Variants in IPO13 observed in about 807,000 individuals in gnomAD.
The protein encoded by IPO13 is importin 13.
A neutral mutation model predicts 115.5 loss-of-function variants in IPO13; 28 were observed. The observed-to-expected ratio is 0.24, with a 90% confidence interval of 0.18 to 0.33. The LOEUF (loss-of-function observed/expected upper bound fraction) is 0.33, where lower values mean the gene tolerates loss of function less well. Among genes scored for constraint, IPO13 ranks in the 10% least tolerant of loss-of-function variants. IPO13 has a pLI of 1.00. For synonymous variants in IPO13, 414 were observed against 478.9 expected, an observed-to-expected ratio of 0.86 and a Z score of 1.77; for missense variants, 785 against 1,204.6, an observed-to-expected ratio of 0.65 and a Z score of 5.16.
intron 14 of IPO13, among the ~76,000 whole-genome samples, chr1:43,962,344 A>G (rs2085295923): frequency 1.3e-5 from 2 of 152,054 alleles, no homozygotes; most frequent in African/African-American, 4.8e-5. Flanking sequence ...TCTCACCTGG[A>G]TTATCAGCAA....
rs1344347460 is a variant in IPO13, at chr1:43,966,830, C to A, written c.2523+48C>A. 1.2e-6 allele frequency: 2 copies of A among 1,610,114 alleles called. No individual in the cohort carries two copies. The highest frequency in any genetic ancestry group is 2.7e-5 in the African/African-American group (2 of 74,816). On this transcript the variant is annotated intron_variant, in intron 17 of 19. Coordinates refer to ENST00000372343, the MANE Select transcript of IPO13 (RefSeq NM_014652.4). This position sits in a 1 kb window ranked among gnomAD's most constrained non-coding sequence, Gnocchi z 4.1. ...ACCCACTGCCACCCCAGTGCCCTCC[C>A]CTGCCCAGGACTTCAGACAGTAGGG...
chr1:43,957,964 C>T lies in IPO13; in HGVS notation c.1541-13C>T. The T allele has an allele frequency of 3.7e-6, 6 of 1,613,448 alleles. No individual in the cohort carries two copies. Among genetic ancestry groups the T allele is most frequent in the Non-Finnish European group, 4.2e-6 (5 of 1,179,516 alleles). On this transcript the variant is annotated splice_polypyrimidine_tract_variant and intron_variant, in intron 7 of 19. Transcript: ENST00000372343. ...CTGCCTCAAAGATCCTCCTGTCTCC[C>T]TCCTTCCTCCAGGAGCTCTGTCTGA... is the stretch of plus-strand genomic sequence containing the variant.
Position 43,956,852 on chromosome 1 carries a change from C to A in IPO13, c.1147C>A (p.Gln383Lys), listed in dbSNP as rs553484305. Residue 383 changes from glutamine (Q) to lysine (K), a missense_variant, in exon 5 of 20, where the codon CAG becomes AAG. This residue lies in a region of IPO13 where 175 missense variants were observed against 360.0 expected (regional missense o/e 0.49). Coordinates refer to ENST00000372343, the MANE Select transcript of IPO13 (RefSeq NM_014652.4). This position sits in a 1 kb window ranked among gnomAD's most constrained non-coding sequence, Gnocchi z 4.7. The stretch of plus-strand genomic sequence containing the variant: ...TGAGGCAGAGAAGCAGGCTGTATAC[C>A]AGCAGGTGTACCGGCCAGTCTACTT... ...SFEAEKQAVY[Q>K]QVYRPVYFQL... The A allele has an allele frequency of 1.2e-6, 2 of 1,614,212 alleles. No individual in the cohort carries two copies. Among genetic ancestry groups the A allele is most frequent in the African/African-American group, 1.3e-5 (1 of 75,044 alleles).
chr1:43,966,620 G>A lies in IPO13; in HGVS notation c.2443G>A (p.Val815Ile). ...PDLFLCERLDVKAVFQCAVLA... is the reference protein window; with the variant it reads ...PDLFLCERLDIKAVFQCAVLA... ...TTTGTTCCTGTGTGAACGATTGGAT[G>A]TCAAAGCTGTGTTCCAGTGTGGTAA... Residue 815 changes from valine to isoleucine, a missense_variant, in exon 16 of 20, where the codon GTC becomes ATC. Around this residue, in one of 3 missense-constraint regions of IPO13, gnomAD observed 285 missense variants for 394.8 expected, o/e 0.72. Transcript: ENST00000372343. This position sits in a 1 kb window ranked among gnomAD's most constrained non-coding sequence, Gnocchi z 4.1. 1 of 1,614,206 alleles carries A rather than the reference G, an allele frequency of 6.2e-7. No homozygotes were observed. The highest frequency in any genetic ancestry group is 1.3e-5 in the African/African-American group (1 of 75,050).
In IPO13 at chr1:43,967,318, A is replaced by G. The variant is rs1193022445; in HGVS notation, c.2617A>G (p.Ile873Val). 6.2e-7 allele frequency: 1 copy of G among 1,612,928 alleles called. No individual in the cohort carries two copies. The highest frequency in any genetic ancestry group is 2.2e-5 in the East Asian group (1 of 44,824). The change falls in exon 19 of 20, where the codon ATT becomes GTT. Residue 873 changes from isoleucine (I) to valine (V), a missense_variant. This residue lies in a region of IPO13 where 285 missense variants were observed against 394.8 expected (regional missense o/e 0.72). Coordinates refer to ENST00000372343, the MANE Select transcript of IPO13 (RefSeq NM_014652.4). The surrounding 1 kb of genome is among the most constrained non-coding windows in gnomAD (Gnocchi z 6.1). ...RMLLIAVLEA[I>V]GGQASRSLMD... ...GCTGAGAACCCCTCTCCCTCAGGCCATTGGGGGCCAGGCCTCCCGCAGCCT... is the reference window on the plus strand; with the variant it reads ...GCTGAGAACCCCTCTCCCTCAGGCCGTTGGGGGCCAGGCCTCCCGCAGCCT...
Position 43,947,172 on chromosome 1 carries a change from C to T in IPO13, c.-429C>T, listed in dbSNP as rs1290030552. Reference sequence around the variant, plus strand: ...TCCCGTGACCCTCCAGCCCCATGACCTGTTCATAGCAGCCGAGAGCTCACC... The same window carrying T: ...TCCCGTGACCCTCCAGCCCCATGACTTGTTCATAGCAGCCGAGAGCTCACC... On this transcript the variant is annotated 5_prime_UTR_variant, in exon 1 of 20. Coordinates refer to ENST00000372343, the MANE Select transcript of IPO13 (RefSeq NM_014652.4). 1.0e-5 allele frequency: 4 copies of T among 398,720 alleles called. No individual in the cohort carries two copies. Among genetic ancestry groups the T allele is most frequent in the Non-Finnish European group, 8.8e-6 (2 of 226,196 alleles). 24.7% of individuals were successfully genotyped at this position (398,720 alleles called of 1,614,324 possible).
rs2085214175 is a variant in IPO13, at chr1:43,952,234, A to G, written c.821+2081A>G. The stretch of plus-strand genomic sequence containing the variant: ...ACCCAGGCTGGTGTGCAGTGGCACA[A>G]TCTCGGCTCACTGCAACCTCCGCCT... On this transcript the variant is annotated intron_variant, in intron 2 of 19. Transcript: ENST00000372343. This position sits in a 1 kb window ranked among gnomAD's most constrained non-coding sequence, Gnocchi z 4.7. Among the ~76,000 whole-genome samples, 5 of 152,200 alleles carry G rather than the reference A, an allele frequency of 3.3e-5. No individual in the cohort carries two copies. Among genetic ancestry groups the G allele is most frequent in the Admixed American group, 3.3e-4 (5 of 15,286 alleles).
At position 43,957,251 on chromosome 1, in the gene IPO13, T is replaced by C; in HGVS notation, c.1328T>C (p.Leu443Pro). 6.2e-7 allele frequency: 1 copy of C among 1,614,098 alleles called. No homozygotes were observed. ...YVYEMLGAEL[L>P]SNLYDKLGRL... ...TATGAGATGTTGGGGGCCGAGCTGC[T>C]CAGCAACCTCTATGACAAGCTGGGT... Residue 443 changes from leucine (L) to proline (P), a missense_variant, in exon 6 of 20, where the codon CTC (leucine) becomes CCC (proline). This residue lies in a region of IPO13 where 175 missense variants were observed against 360.0 expected (regional missense o/e 0.49). Transcript: ENST00000372343.
At chr1:43,948,792 C>G (rs2085185735) in intron 1 of IPO13, among the ~76,000 whole-genome samples, 1 of 152,188 alleles carries the variant, frequency 6.6e-6, no homozygotes, top group Non-Finnish European at 1.5e-5. Flanking sequence ...AGGTGTTTGC[C>G]AGGGCTGCAG....
intron 12 of IPO13, 90 bp from the exon 13 acceptor site, chr1:43,960,786 C>A: frequency 6.6e-7 from 1 of 1,512,136 alleles, no homozygotes; most frequent in Non-Finnish European, 9.0e-7. Flanking sequence ...TAGGTAAGGG[C>A]CCAATCGTAG....
In IPO13 at chr1:43,958,422, G is replaced by GA; in HGVS notation, c.1750-38dup. The GA allele has an allele frequency of 6.2e-7, 1 of 1,612,902 alleles. No individual in the cohort carries two copies. The highest frequency in any genetic ancestry group is 1.1e-5 in the South Asian group (1 of 91,014). On this transcript the variant is annotated intron_variant, in intron 9 of 19. Coordinates refer to ENST00000372343, the MANE Select transcript of IPO13 (RefSeq NM_014652.4). The surrounding 1 kb of genome is among the most constrained non-coding windows in gnomAD (Gnocchi z 6.3). The stretch of plus-strand genomic sequence containing the variant: ...CATTTTCCTTCCTACCCCACAACTA[G>GA]ATGTGGCCAGGACTGACCATCCATG...
chr1:43,960,198 G>A (rs1422953697), intron 11 of IPO13, 51 bp from the exon 12 acceptor site: 2 of 1,569,302 alleles, frequency 1.3e-6, no homozygotes, highest in Non-Finnish European at 1.8e-6. Context: ...CTCCTCAAGT[G>A]GGTCACAGTG....
chr1:43,957,878 G>A (rs2085262046), intron 7 of IPO13, 99 bp from the exon 8 acceptor site: 3 of 1,158,674 alleles, frequency 2.6e-6, no homozygotes, highest in African/African-American at 1.5e-5. Flanking sequence ...TGCTGGGGCT[G>A]CAACTTGACC....
In IPO13 at chr1:43,958,523, G is replaced by A; in HGVS notation, c.1812G>A (p.Glu604=). 6.2e-7 allele frequency: 1 copy of A among 1,614,178 alleles called. No individual in the cohort carries two copies. Among genetic ancestry groups the A allele is most frequent in the Non-Finnish European group, 8.5e-7 (1 of 1,180,038 alleles). ...TCCTGCTGTCAGCTCTTCAAGTGGA[G>A]GAGATCCTTAAGAACCTGCACTCGC... The part of the protein sequence containing the change: ...LGFLLSALQV[E]EILKNLHSLI... Residue 604 remains glutamate (E), a synonymous_variant, in exon 10 of 20, where the codon GAG becomes GAA. Transcript: ENST00000372343. The surrounding 1 kb of genome is among the most constrained non-coding windows in gnomAD (Gnocchi z 6.3).
intron 15 of IPO13, among the ~76,000 whole-genome samples, chr1:43,964,864 T>A (rs1165267984): frequency 1.3e-5 from 2 of 152,142 alleles, no homozygotes; most frequent in African/African-American, 4.8e-5. Flanking sequence ...TGCTAGGATG[T>A]GTTTGCATTT....
At position 43,958,868 on chromosome 1, in the gene IPO13, A is replaced by G. The variant is rs2154302283; in HGVS notation, c.2007A>G (p.Pro669=). 1.9e-6 allele frequency: 3 copies of G among 1,614,156 alleles called. No homozygotes were observed. Among genetic ancestry groups the G allele is most frequent in the Middle Eastern group, 3.3e-4 (2 of 6,062 alleles). Residue 669 remains proline, a synonymous_variant, in exon 11 of 20, where the codon CCA becomes CCG. Coordinates refer to ENST00000372343, the MANE Select transcript of IPO13 (RefSeq NM_014652.4). The surrounding 1 kb of genome is among the most constrained non-coding windows in gnomAD (Gnocchi z 6.3). ...DHEGPELRKL[P]VPQGPNPVVV... ...AAGGCCCTGAGCTTCGGAAGCTGCC[A>G]GTGCCACAGGGACCCAACCCCGTGG...
rs111302917 is a variant in IPO13, at chr1:43,958,675, G to A, written c.1885-71G>A. The A allele has an allele frequency of 5.0e-6, 8 of 1,612,382 alleles. No homozygotes were observed. In the Admixed American group the frequency reaches 1.3e-4, roughly 27 times the overall value. ...GGTGAGGTTGGAGCTGGCCCTCAGAGCTGAGGCTCAGTGATCTGGGGACCA... is the reference window on the plus strand; with the variant it reads ...GGTGAGGTTGGAGCTGGCCCTCAGAACTGAGGCTCAGTGATCTGGGGACCA... On this transcript the variant is annotated intron_variant, in intron 10 of 19. Transcript: ENST00000372343. This position sits in a 1 kb window ranked among gnomAD's most constrained non-coding sequence, Gnocchi z 6.3.
At position 43,956,840 on chromosome 1, in the gene IPO13, C is replaced by G; in HGVS notation, c.1135C>G (p.Gln379Glu). 1 of 1,614,236 alleles carries G rather than the reference C, an allele frequency of 6.2e-7. No individual in the cohort carries two copies. The highest frequency in any genetic ancestry group is 8.5e-7 in the Non-Finnish European group (1 of 1,180,042). ...TATTCTATCCTTTGAGGCAGAGAAG[C>G]AGGCTGTATACCAGCAGGTGTACCG... ...DDILSFEAEK[Q>E]AVYQQVYRPV... Residue 379 changes from glutamine to glutamate, a missense_variant, in exon 5 of 20, where the codon CAG (glutamine) becomes GAG (glutamate). Around this residue, in one of 3 missense-constraint regions of IPO13, gnomAD observed 175 missense variants for 360.0 expected, o/e 0.49. Transcript: ENST00000372343. This position sits in a 1 kb window ranked among gnomAD's most constrained non-coding sequence, Gnocchi z 4.7.
At position 43,958,438 on chromosome 1, in the gene IPO13, A is replaced by G; in HGVS notation, c.1750-23A>G. 1 of 1,613,612 alleles carries G rather than the reference A, an allele frequency of 6.2e-7. No homozygotes were observed. Among genetic ancestry groups the G allele is most frequent in the Middle Eastern group, 1.6e-4 (1 of 6,062 alleles). On this transcript the variant is annotated intron_variant, in intron 9 of 19. Coordinates refer to ENST00000372343, the MANE Select transcript of IPO13 (RefSeq NM_014652.4). This position sits in a 1 kb window ranked among gnomAD's most constrained non-coding sequence, Gnocchi z 6.3. ...CCACAACTAGATGTGGCCAGGACTGACCATCCATGTTCTGCCCCACAGACA... is the reference window on the plus strand; with the variant it reads ...CCACAACTAGATGTGGCCAGGACTGGCCATCCATGTTCTGCCCCACAGACA...
Sources: gnomAD v4.1 joint callset for allele counts (sites outside exome capture counted in the v4.1 genomes callset) on GRCh38, gnomAD v4.1.1 for gene constraint, gnomAD v4.1.1 regional missense constraint, Gnocchi (gnomAD v3.1) non-coding constraint, MANE v1.5 for transcripts, NCBI Gene and HGNC (gene_info 2026-07-23, HGNC 2026-07-21) for gene names.